The following ADGRL3 variants were observed in gnomAD, a reference collection of about 807,000 sequenced individuals.
ADGRL3 encodes the protein adhesion G protein-coupled receptor L3.
ADGRL3 carries 62 observed loss-of-function variants against 153.5 expected under a neutral mutation model. The ratio of observed to expected loss-of-function variants is 0.40; its 90% CI spans 0.33 to 0.50. ADGRL3 has a LOEUF of 0.50. ADGRL3 is among the 20% of genes least tolerant of loss of function. ADGRL3 has a pLI of 0.47. For missense variants in ADGRL3, 1,641 were observed against 1,859.4 expected, an observed-to-expected ratio of 0.88 and a Z score of 2.16; for synonymous variants, 710 against 672.5, an observed-to-expected ratio of 1.06 and a Z score of -0.86.
rs898424308 is a variant in ADGRL3, at chr4:61,434,406, G to T, written c.-174+51217G>T. ...TATTGACAGGGTGACTCACACTATG[G>T]ATATGCATGTATACATATGTTATGT... On this transcript the variant is annotated intron_variant, in intron 2 of 26. Transcript: ENST00000683033. Among the ~76,000 whole-genome samples the T allele has an allele frequency of 2.6e-5, 4 of 152,050 alleles. No individual in the cohort carries two copies. In the East Asian group the frequency reaches 7.7e-4, roughly 29 times the overall value.
At chr4:61,626,800 C>A (rs2149940479) in intron 5 of ADGRL3, among the ~76,000 whole-genome samples, 1 of 152,086 alleles carries the variant, frequency 6.6e-6, no homozygotes, top group East Asian at 1.9e-4. Flanking sequence ...ATAATATTAT[C>A]AAATTTTAAC....
chr4:61,922,140 T>C (rs1221753138), intron 13 of ADGRL3, among the ~76,000 whole-genome samples: 4 of 152,198 alleles, frequency 2.6e-5, no homozygotes, highest in Non-Finnish European at 1.5e-5. Context: ...GGACTGAGTT[T>C]GCTCTTATCA....
intron 1 of ADGRL3, among the ~76,000 whole-genome samples, chr4:61,289,849 G>A (rs1416603853): frequency 1.3e-5 from 2 of 151,974 alleles, no homozygotes; most frequent in Admixed American, 1.3e-4. Context: ...TGTGACCCTG[G>A]GCCACTGGTT....
At chr4:61,251,778 AT>A (rs202202996) in intron 1 of ADGRL3, among the ~76,000 whole-genome samples, 47,198 of 134,830 alleles carry the variant, frequency 0.35, 7,617 homozygotes, top group South Asian at 0.42. Context: ...CAACTCTAGG[AT>A]TTTTTTTTTT....
chr4:61,818,071 G>T (rs967630326), intron 9 of ADGRL3, among the ~76,000 whole-genome samples: 1 of 152,032 alleles, frequency 6.6e-6, no homozygotes, highest in African/African-American at 2.4e-5. Flanking sequence ...ACTCATTTCA[G>T]CATTAACTAA....
intron 5 of ADGRL3, among the ~76,000 whole-genome samples, chr4:61,597,213 A>G (rs1214633255): frequency 6.6e-6 from 1 of 152,120 alleles, no homozygotes; most frequent in Non-Finnish European, 1.5e-5. Flanking sequence ...TGAGAAAGTA[A>G]TGCTTGGCAA....
chr4:61,414,189 A>G (rs2097121441), intron 2 of ADGRL3, among the ~76,000 whole-genome samples: 1 of 152,220 alleles, frequency 6.6e-6, no homozygotes, highest in South Asian at 2.1e-4. Context: ...TTACATGCAG[A>G]TGGCAGCCTA....
chr4:61,231,905 C>G (rs565534956), intron 1 of ADGRL3, among the ~76,000 whole-genome samples: 48 of 151,892 alleles, frequency 3.2e-4, no homozygotes, highest in South Asian at 1.2e-3. Context: ...AATTATGACT[C>G]TATAATATTA....
At chr4:61,971,611 T>G (rs1288500920) in intron 17 of ADGRL3, among the ~76,000 whole-genome samples, 1 of 152,070 alleles carries the variant, frequency 6.6e-6, no homozygotes, top group Non-Finnish European at 1.5e-5. Flanking sequence ...AGTGCTGCAG[T>G]AAACATACAT....
intron 1 of ADGRL3, among the ~76,000 whole-genome samples, chr4:61,352,340 T>C (rs1020199754): frequency 1.3e-5 from 2 of 152,146 alleles, no homozygotes; most frequent in African/African-American, 4.8e-5. Context: ...AGATATGTAC[T>C]TTTTTTAGAC....
chr4:61,404,306 G>T (rs2096966597), intron 2 of ADGRL3, among the ~76,000 whole-genome samples: 1 of 151,982 alleles, frequency 6.6e-6, no homozygotes, highest in African/African-American at 2.4e-5. Context: ...CTAGCCCAAT[G>T]GGTTCAGAGC....
intron 4 of ADGRL3, among the ~76,000 whole-genome samples, chr4:61,572,376 A>G (rs1289091087): frequency 6.6e-6 from 1 of 152,080 alleles, no homozygotes; most frequent in Admixed American, 6.6e-5. Flanking sequence ...TTTAGTGAAA[A>G]CCACAATTCA....
intron 2 of ADGRL3, among the ~76,000 whole-genome samples, chr4:61,422,084 C>G (rs1049100728): frequency 2.0e-5 from 3 of 152,046 alleles, no homozygotes; most frequent in Non-Finnish European, 4.4e-5. Context: ...AAAAAATTGT[C>G]CAATCAAAGA....
chr4:61,948,873 T>C (rs181491940), intron 17 of ADGRL3, among the ~76,000 whole-genome samples: 57 of 152,128 alleles, frequency 3.7e-4, no homozygotes, highest in African/African-American at 1.3e-3. Context: ...TTCATATGTA[T>C]TGAGGGTTGT....
intron 1 of ADGRL3, among the ~76,000 whole-genome samples, chr4:61,208,425 T>A (rs1487332960): frequency 6.6e-6 from 1 of 152,182 alleles, no homozygotes; most frequent in Non-Finnish European, 1.5e-5. Context: ...AATAACATAA[T>A]TGTTTGCTGC....
chr4:61,392,684 C>CAAAAAAAAAAAAAAAAAAAA lies in ADGRL3; in HGVS notation c.-174+9498_-174+9517dup, dbSNP rs397993633. On this transcript the variant is annotated intron_variant, in intron 2 of 26. Coordinates refer to ENST00000683033, the MANE Select transcript of ADGRL3 (RefSeq NM_001387552.1). ...CTGGTGACAGAGCGAGACTCCATCT[C>CAAAAAAAAAAAAAAAAAAAA]AAAAAAAAAAAAAAAAAAAAAAGAA... 7.5e-4 allele frequency among the ~76,000 whole-genome samples: 10 copies of CAAAAAAAAAAAAAAAAAAAA among 13,374 alleles called. 1 individual carries two copies. The highest frequency in any genetic ancestry group is 1.2e-3 in the African/African-American group (7 of 5,866). 8.8% of individuals were successfully genotyped at this position (13,374 alleles called of 152,430 possible).
chr4:61,696,667 A>G (rs2095647898), intron 6 of ADGRL3, among the ~76,000 whole-genome samples: 1 of 128,274 alleles, frequency 7.8e-6, no homozygotes, highest in African/African-American at 2.9e-5. Context: ...CTTTTTTTTT[A>G]ACCTTTTTTT....
intron 4 of ADGRL3, among the ~76,000 whole-genome samples, chr4:61,553,623 A>G (rs1276778225): frequency 6.6e-6 from 1 of 152,212 alleles, no homozygotes; most frequent in African/African-American, 2.4e-5. Flanking sequence ...AGAAATAAGT[A>G]TTATTTAGGT....
chr4:61,377,134 T>A (rs372886054), intron 1 of ADGRL3, among the ~76,000 whole-genome samples: 8 of 152,198 alleles, frequency 5.3e-5, no homozygotes, highest in Admixed American at 2.0e-4. Flanking sequence ...TTACCTTCCC[T>A]ATCATATCCT....
Sources: allele counts gnomAD v4.1 joint callset (sites outside exome capture counted in the v4.1 genomes callset), GRCh38; gene constraint gnomAD v4.1.1; transcripts MANE v1.5; gene names NCBI Gene and HGNC (gene_info 2026-07-23, HGNC 2026-07-21).